The following AGBL4 variants were observed in gnomAD, a reference collection of about 807,000 sequenced individuals.
AGBL4 encodes the protein cytosolic carboxypeptidase 6.
In AGBL4, 58 loss-of-function variants were observed where a neutral mutation model predicts 66.4. That is an observed-to-expected ratio of 0.87 (90% CI 0.71 to 1.09). The LOEUF is 1.09. AGBL4 is among the 50% of genes least tolerant of loss of function. The pLI is 0.00. For missense variants in AGBL4, 579 were observed against 631.0 expected, an observed-to-expected ratio of 0.92 and a Z score of 0.88; for synonymous variants, 234 against 222.9, an observed-to-expected ratio of 1.05 and a Z score of -0.44.
chr1:49,336,126 C>A lies in AGBL4; in HGVS notation c.283-90262G>T, dbSNP rs527467935. 5.9e-5 allele frequency among the ~76,000 whole-genome samples: 9 copies of A among 152,198 alleles called. No homozygotes were observed. The South Asian group carries it at 1.7e-3, about 28-fold the overall frequency. On this transcript the variant is annotated intron_variant, in intron 3 of 13. Transcript: ENST00000371839. Reference sequence around the variant, plus strand: ...CCTAGGAGACCCAATGGTTTATTTCCAGTCCAAGTCTGAAAACCTGAGAAT... The same window carrying A: ...CCTAGGAGACCCAATGGTTTATTTCAAGTCCAAGTCTGAAAACCTGAGAAT...
At chr1:49,621,666 T>C (rs1373617509) in intron 3 of AGBL4, among the ~76,000 whole-genome samples, 1 of 152,164 alleles carries the variant, frequency 6.6e-6, no homozygotes, top group Non-Finnish European at 1.5e-5. Flanking sequence ...CCTAATTAGA[T>C]GGGGAGGAAA....
At chr1:49,965,372 G>C (rs1342231764) in intron 1 of AGBL4, among the ~76,000 whole-genome samples, 1 of 152,186 alleles carries the variant, frequency 6.6e-6, no homozygotes, top group Non-Finnish European at 1.5e-5. Flanking sequence ...GGAAAGCAGA[G>C]AGCTGAGAAG....
intron 3 of AGBL4, among the ~76,000 whole-genome samples, chr1:49,277,757 G>A (rs973242053): frequency 3.3e-5 from 5 of 150,090 alleles, no homozygotes; most frequent in Non-Finnish European, 5.9e-5. Context: ...AAAAAGACGG[G>A]TGTTCTTTTT....
chr1:49,751,701 G>A (rs866538869), intron 2 of AGBL4, among the ~76,000 whole-genome samples: 10 of 152,220 alleles, frequency 6.6e-5, no homozygotes, highest in East Asian at 5.8e-4. Context: ...CTGTGAATCC[G>A]TCTGGTCCTA....
chr1:49,317,129 C>T (rs1246428504), intron 3 of AGBL4, among the ~76,000 whole-genome samples: 1 of 151,674 alleles, frequency 6.6e-6, no homozygotes, highest in African/African-American at 2.4e-5. Context: ...AACATGTTAA[C>T]TTTGTTTATG....
intron 3 of AGBL4, among the ~76,000 whole-genome samples, chr1:49,453,438 A>T (rs1646322202): frequency 6.6e-6 from 1 of 151,744 alleles, no homozygotes; most frequent in African/African-American, 2.4e-5. Flanking sequence ...TTTTCCAGAA[A>T]TATTCCTAAA....
chr1:48,951,276 T>G (rs1656964031), intron 5 of AGBL4, among the ~76,000 whole-genome samples: 1 of 152,186 alleles, frequency 6.6e-6, no homozygotes, highest in South Asian at 2.1e-4. Flanking sequence ...AAAGAATATC[T>G]TCTCTGGCGA....
chr1:48,862,239 C>T (rs1408245046), intron 6 of AGBL4, among the ~76,000 whole-genome samples: 1 of 152,224 alleles, frequency 6.6e-6, no homozygotes, highest in Non-Finnish European at 1.5e-5. Flanking sequence ...ACATGGACCT[C>T]CCCAACCTGC....
intron 4 of AGBL4, among the ~76,000 whole-genome samples, chr1:49,203,199 G>T (rs1195710658): frequency 6.6e-6 from 1 of 151,856 alleles, no homozygotes; most frequent in African/African-American, 2.4e-5. Context: ...AGCCTCGATA[G>T]AAAACAGTAT....
chr1:48,744,666 T>C (rs1037555110), intron 6 of AGBL4, among the ~76,000 whole-genome samples: 1 of 152,182 alleles, frequency 6.6e-6, no homozygotes, highest in Non-Finnish European at 1.5e-5. Context: ...TTCTCTCCCA[T>C]CCATCTCTAT....
At chr1:48,949,327 C>A (rs1045928404) in intron 5 of AGBL4, among the ~76,000 whole-genome samples, 7 of 152,052 alleles carry the variant, frequency 4.6e-5, no homozygotes. Context: ...GTAGGTAGAC[C>A]GAGATTGGTC....
chr1:49,211,652 C>T (rs1648678291), intron 4 of AGBL4, among the ~76,000 whole-genome samples: 1 of 152,040 alleles, frequency 6.6e-6, no homozygotes, highest in Non-Finnish European at 1.5e-5. Context: ...ATATGTCACA[C>T]AGTCCCCCTT....
chr1:49,920,801 T>C (rs1652147082), intron 1 of AGBL4, among the ~76,000 whole-genome samples: 1 of 152,314 alleles, frequency 6.6e-6, no homozygotes, highest in African/African-American at 2.4e-5. Flanking sequence ...CGTATGTTTA[T>C]TGCAGCACTA....
intron 3 of AGBL4, among the ~76,000 whole-genome samples, chr1:49,516,533 C>T (rs1649840720): frequency 6.6e-6 from 1 of 151,886 alleles, no homozygotes; most frequent in African/African-American, 2.4e-5. Flanking sequence ...TTTTAAGAGG[C>T]AAGGTGGGGA....
intron 11 of AGBL4, among the ~76,000 whole-genome samples, chr1:48,566,248 C>T (rs1187867764): frequency 2.0e-5 from 3 of 152,170 alleles, no homozygotes; most frequent in African/African-American, 7.2e-5. Context: ...TGTCACCGAG[C>T]CTTTATTCAT....
chr1:49,834,482 T>A (rs1367663985), intron 2 of AGBL4, among the ~76,000 whole-genome samples: 3 of 152,208 alleles, frequency 2.0e-5, no homozygotes, highest in African/African-American at 7.2e-5. Context: ...TTTTCTTCTT[T>A]ATTAGTCTGG....
intron 2 of AGBL4, among the ~76,000 whole-genome samples, chr1:49,736,912 A>C (rs781441626): frequency 2.0e-5 from 3 of 152,174 alleles, no homozygotes; most frequent in Non-Finnish European, 4.4e-5. Flanking sequence ...ATAGGTAAAA[A>C]TTAACAACAT....
At chr1:48,602,711 G>A (rs935711323) in intron 9 of AGBL4, among the ~76,000 whole-genome samples, 2 of 151,112 alleles carry the variant, frequency 1.3e-5, no homozygotes, top group African/African-American at 2.4e-5. Context: ...TTTGGTGTAG[G>A]CAGCTGGAAG....
intron 11 of AGBL4, among the ~76,000 whole-genome samples, chr1:48,574,881 A>T (rs148753488): frequency 1.2e-3 from 186 of 152,268 alleles, no homozygotes; most frequent in African/African-American, 2.6e-3. Flanking sequence ...GCCTGAAGTG[A>T]GGTATGAGAT....
Sources: gnomAD v4.1 joint callset for allele counts (sites outside exome capture counted in the v4.1 genomes callset) on GRCh38, gnomAD v4.1.1 for gene constraint, MANE v1.5 for transcripts, NCBI Gene and HGNC (gene_info 2026-07-23, HGNC 2026-07-21) for gene names.